Variants in BTN3A2 observed in about 807,000 individuals in gnomAD.
BTN3A2 encodes butyrophilin protein.
In BTN3A2, 25 loss-of-function variants were observed where a neutral mutation model predicts 37.6. The ratio of observed to expected loss-of-function variants is 0.66; its 90% CI spans 0.48 to 0.93. The LOEUF (loss-of-function observed/expected upper bound fraction) is 0.93. BTN3A2 is among the 40% of genes least tolerant of loss of function. BTN3A2 has a pLI of 0.00. For synonymous variants in BTN3A2, 122 were observed against 159.4 expected (o/e 0.77, Z 1.77); for missense variants, 266 against 410.9 (o/e 0.65, Z 3.05).
At position 26,368,170 on chromosome 6, in the gene BTN3A2, A is replaced by C. The variant is rs1759703805; in HGVS notation, c.-5-8A>C. 1 of 1,613,788 alleles carries C rather than the reference A, an allele frequency of 6.2e-7. No individual in the cohort carries two copies. The highest frequency in any genetic ancestry group is 1.3e-5 in the African/African-American group (1 of 74,870). On this transcript the variant is annotated splice_polypyrimidine_tract_variant and splice_region_variant and intron_variant, in intron 2 of 10. Coordinates refer to ENST00000377708, the MANE Select transcript of BTN3A2 (RefSeq NM_007047.5). Reference sequence around the variant, plus strand: ...GTCCCACACCTTCTGGTATCTCTTGATATGCAGCATAGATGAAAATGGCAA... The same window carrying C: ...GTCCCACACCTTCTGGTATCTCTTGCTATGCAGCATAGATGAAAATGGCAA...
chr6:26,375,820 C>T lies in BTN3A2; in HGVS notation c.*58C>T. On this transcript the variant is annotated 3_prime_UTR_variant, in exon 11 of 11. Transcript: ENST00000377708. ...AGGTGAGGAAATGCTTCAGATGAGGCTCCACCTTGTTAAATAAATTGGATG... is the reference window on the plus strand; with the variant it reads ...AGGTGAGGAAATGCTTCAGATGAGGTTCCACCTTGTTAAATAAATTGGATG... The T allele has an allele frequency of 6.5e-7, 1 of 1,549,986 alleles. No homozygotes were observed. Among genetic ancestry groups the T allele is most frequent in the Non-Finnish European group, 8.7e-7 (1 of 1,145,758 alleles).
intron 5 of BTN3A2, 92 bp from the exon 6 acceptor site, chr6:26,372,805 C>T (rs1439276244): frequency 3.4e-6 from 5 of 1,480,468 alleles, no homozygotes; most frequent in Non-Finnish European, 4.6e-6. Context: ...TCCCCACCCC[C>T]GACCTGAGCT....
intron 9 of BTN3A2, 175 bp downstream of exon 9, chr6:26,374,548 G>C: frequency 1.2e-6 from 1 of 858,480 alleles, no homozygotes; most frequent in East Asian, 2.6e-5. Flanking sequence ...ACACCCCCTT[G>C]TAAAGCCTGG....
rs986445164 is a variant in BTN3A2, at chr6:26,367,977, A to G, written c.-66-13A>G. ...GAGATGTCCTGATCAGATAACAGAT[A>G]TTATTTTTACAGATGGTTTTCCATA... On this transcript the variant is annotated splice_polypyrimidine_tract_variant and intron_variant, in intron 1 of 10. Transcript: ENST00000377708. 4.0e-5 allele frequency: 52 copies of G among 1,290,590 alleles called. 1 individual carries two copies. The highest frequency in any genetic ancestry group is 5.0e-5 in the Non-Finnish European group (48 of 967,404). 79.9% of individuals were successfully genotyped at this position (1,290,590 alleles called of 1,614,324 possible). A position where few individuals can be genotyped will look rare whatever the true frequency, so the allele number is the denominator to read the frequency against.
intron 2 of BTN3A2, 48 bp downstream of exon 2, chr6:26,368,098 G>T: frequency 6.2e-7 from 1 of 1,600,994 alleles, no homozygotes; most frequent in Non-Finnish European, 8.5e-7. Context: ...TGGGGAAGTG[G>T]ACATTTCCAT....
At chr6:26,365,662 A>C (rs1164996780) in intron 1 of BTN3A2, among the ~76,000 whole-genome samples, 2 of 152,208 alleles carry the variant, frequency 1.3e-5, no homozygotes. Context: ...TTCCAACTGC[A>C]TGTTCTTAAC....
chr6:26,374,290 G>A, intron 8 of BTN3A2, 37 bp from the exon 9 acceptor site: 1 of 1,546,130 alleles, frequency 6.5e-7, no homozygotes, highest in Non-Finnish European at 8.8e-7. Context: ...AGAAAAGGCA[G>A]AGTTCTGGTG....
chr6:26,375,388 A>G (rs1760613506), intron 10 of BTN3A2: 1 of 417,028 alleles, frequency 2.4e-6, no homozygotes, highest in South Asian at 4.9e-5. Flanking sequence ...GAGGTAGCTT[A>G]ACGAGGGAGC....
chr6:26,371,925 C>T (rs186698391), intron 5 of BTN3A2, among the ~76,000 whole-genome samples: 2 of 152,110 alleles, frequency 1.3e-5, no homozygotes, highest in East Asian at 1.9e-4. Flanking sequence ...GTGATCCACC[C>T]GCCTCAGCCT....
Position 26,377,219 on chromosome 6 carries a change from C to G in BTN3A2, c.*1457C>G. On this transcript the variant is annotated 3_prime_UTR_variant, in exon 11 of 11. Transcript: ENST00000377708. ...AGGCTGAAGTAACATCTCTGCTTCTCCCTGCCCAGCCTGGAGCTAAGGGTC... is the reference window on the plus strand; with the variant it reads ...AGGCTGAAGTAACATCTCTGCTTCTGCCTGCCCAGCCTGGAGCTAAGGGTC... The G allele has an allele frequency of 9.6e-7, 1 of 1,039,130 alleles. No homozygotes were observed. Among genetic ancestry groups the G allele is most frequent in the Admixed American group, 1.8e-5 (1 of 57,138 alleles). 64.4% of individuals were successfully genotyped at this position (1,039,130 alleles called of 1,614,324 possible).
Position 26,374,759 on chromosome 6 carries a change from C to T in BTN3A2, c.*7-12C>T. On this transcript the variant is annotated splice_polypyrimidine_tract_variant and intron_variant, in intron 9 of 10. Transcript: ENST00000377708. ...ACTGACCTTTTTCTTATCTGTGTCT[C>T]CTTCCTTTCAGAATGGAAAAATGGC... 1 of 1,531,318 alleles carries T rather than the reference C, an allele frequency of 6.5e-7. No individual in the cohort carries two copies. The highest frequency in any genetic ancestry group is 2.3e-5 in the East Asian group (1 of 44,366). The allele number at this position is 1,531,318 out of a possible 1,614,324, so 94.9% of individuals were successfully genotyped here. A position where few individuals can be genotyped will look rare whatever the true frequency, so the allele number is the denominator to read the frequency against.
chr6:26,374,503 C>A, intron 9 of BTN3A2, 130 bp downstream of exon 9: 1 of 1,061,908 alleles, frequency 9.4e-7, no homozygotes, highest in Non-Finnish European at 1.4e-6. Flanking sequence ...TTCACCTCCG[C>A]TTTTCTGGAG....
intron 1 of BTN3A2, among the ~76,000 whole-genome samples, chr6:26,366,675 A>G (rs1475980281): frequency 1.3e-5 from 2 of 152,276 alleles, no homozygotes; most frequent in East Asian, 3.9e-4. Context: ...GGTGGATGCA[A>G]GATCCAGGCA....
In BTN3A2 at chr6:26,370,313, C is replaced by T. The variant is rs780967525; in HGVS notation, c.434-9C>T. On this transcript the variant is annotated splice_polypyrimidine_tract_variant and intron_variant, in intron 4 of 10. Transcript: ENST00000377708. ...TATCCAGAATTTAGGCCAAATTATC[C>T]TTCCACAGCACTGGGTTCTAATCTT... is the stretch of plus-strand genomic sequence containing the variant. 2 of 1,612,828 alleles carry T rather than the reference C, an allele frequency of 1.2e-6. No individual in the cohort carries two copies. Among genetic ancestry groups the T allele is most frequent in the Admixed American group, 3.3e-5 (2 of 60,006 alleles).
chr6:26,366,283 T>A (rs9348712), intron 1 of BTN3A2, among the ~76,000 whole-genome samples: 11,697 of 152,282 alleles, frequency 0.077, 563 homozygotes, highest in Non-Finnish European at 0.11. Flanking sequence ...AACAGCCTTA[T>A]CCATAAATAT....
chr6:26,367,594 A>G (rs576656278), intron 1 of BTN3A2, among the ~76,000 whole-genome samples: 1 of 152,334 alleles, frequency 6.6e-6, no homozygotes, highest in South Asian at 2.1e-4. Context: ...TATGAAGGGA[A>G]GAAAGAAAAG....
At chr6:26,374,237 A>G in intron 8 of BTN3A2, 90 bp from the exon 9 acceptor site, 2 of 488,658 alleles carry the variant, frequency 4.1e-6, no homozygotes, top group Non-Finnish European at 6.8e-6. Context: ...AAAAAAAAAA[A>G]AAAGACTAGA....
rs2113714089 is a variant in BTN3A2 at position 26,374,351 on chromosome 6, C to T, written c.989C>T (p.Thr330Ile). The change falls in exon 9 of 11, where the codon ACC becomes ATC. Residue 330 changes from threonine to isoleucine, a missense_variant. Thr to Ile is a moderately conservative substitution (Grantham distance 89). Transcript: ENST00000377708. ...GGTGGAGAGGAGTCTTCGTCCGATA[C>T]CAATAAGTCAGCCTGATGCTCTGTA... Reference protein sequence around the residue: ...LTRGEESSSDTNKSA With the variant: ...LTRGEESSSDINKSA 1 of 1,613,122 alleles carries T rather than the reference C, an allele frequency of 6.2e-7. No individual in the cohort carries two copies. The highest frequency in any genetic ancestry group is 8.5e-7 in the Non-Finnish European group (1 of 1,179,706).
rs1233598335 is a variant in BTN3A2 at position 26,377,643 on chromosome 6, G to A, written c.*1881G>A. 2.1e-5 allele frequency: 4 copies of A among 187,448 alleles called. No individual in the cohort carries two copies. The highest frequency in any genetic ancestry group is 2.3e-5 in the Non-Finnish European group (2 of 88,450). The allele number at this position is 187,448 out of a possible 1,614,324, so 11.6% of individuals were successfully genotyped here. On this transcript the variant is annotated 3_prime_UTR_variant, in exon 11 of 11. Transcript: ENST00000377708. ...CACACGGTAATTTGTGCAGTTGGGA[G>A]ATGTTCAGCTTCAGTCCCTGGCCAA...
Sources: allele counts gnomAD v4.1 joint callset (sites outside exome capture counted in the v4.1 genomes callset), GRCh38; gene constraint gnomAD v4.1.1; transcripts MANE v1.5; gene names NCBI Gene and HGNC (gene_info 2026-07-23, HGNC 2026-07-21).